The following PPARA variants were observed in gnomAD, a reference collection of about 807,000 sequenced individuals.
PPARA encodes the protein peroxisome proliferator activated receptor alpha.
PPARA carries 22 observed loss-of-function variants against 42.2 expected under a neutral mutation model. The observed-to-expected ratio is 0.52, with a 90% CI of 0.37 to 0.74. The LOEUF (loss-of-function observed/expected upper bound fraction) is 0.74. Ranked by LOEUF, PPARA falls within the 30% of genes least tolerant of loss-of-function variation. The pLI, the probability that PPARA is intolerant of heterozygous loss-of-function variation, is 0.00. For missense variants in PPARA, 465 were observed against 608.2 expected (o/e 0.76, Z 2.48); for synonymous variants, 242 against 239.3 (o/e 1.01, Z -0.10).
In PPARA at chr22:46,224,854, C is replaced by T. The variant is rs137987744; in HGVS notation, c.711+4840C>T. 3.5e-3 allele frequency among the ~76,000 whole-genome samples: 532 copies of T among 152,196 alleles called. 1 individual carries two copies. The highest frequency in any genetic ancestry group is 0.01 in the Middle Eastern group (3 of 294). On this transcript the variant is annotated intron_variant, in intron 7 of 8. Transcript: ENST00000407236. The surrounding 1 kb of genome is among the most constrained non-coding windows in gnomAD (Gnocchi z 5.7). The stretch of plus-strand genomic sequence containing the variant: ...AAGCAGCCCTCTGGTTTGCTATAAG[C>T]GGGGGACTGAATTTCTCTTTGCAGT...
rs1403716773 is a variant in PPARA, at chr22:46,150,997, C to T, written c.-210+345C>T. ...CTGCGCGGAGGTCGGGTCTGGGGACCGCAGCGACTCTGGGTCTTCGGGTTG... is the reference window on the plus strand; with the variant it reads ...CTGCGCGGAGGTCGGGTCTGGGGACTGCAGCGACTCTGGGTCTTCGGGTTG... On this transcript the variant is annotated intron_variant, in intron 1 of 8. Coordinates refer to ENST00000407236, the MANE Select transcript of PPARA (RefSeq NM_005036.6). This position sits in a 1 kb window ranked among gnomAD's most constrained non-coding sequence, Gnocchi z 7.5. 2.6e-5 allele frequency: 4 copies of T among 152,190 alleles called. No homozygotes were observed. Among genetic ancestry groups the T allele is most frequent in the Non-Finnish European group, 5.9e-5 (4 of 68,074 alleles). 9.4% of individuals were successfully genotyped at this position (152,190 alleles called of 1,614,324 possible).
At chr22:46,198,203 A>C (rs905288312) in intron 3 of PPARA, 139 bp from the exon 4 acceptor site, 1 of 230,972 alleles carries the variant, frequency 4.3e-6, no homozygotes, top group African/African-American at 2.6e-5. Context: ...GTGCCCCTGC[A>C]CTCCAGCCTG....
In PPARA at chr22:46,233,829, T is replaced by C. The variant is rs1390258698; in HGVS notation, c.1160-1304T>C. Among the ~76,000 whole-genome samples the C allele has an allele frequency of 2.7e-5, 4 of 145,770 alleles. No homozygotes were observed. In the Middle Eastern group the frequency reaches 0.014, roughly 506 times the overall value. ...TTCTATTTTTCAAAAGATTCCTCCT[T>C]TTTTTTTTTTTTGAGACAGAGTCTC... On this transcript the variant is annotated intron_variant, in intron 8 of 8. Transcript: ENST00000407236. The surrounding 1 kb of genome is among the most constrained non-coding windows in gnomAD (Gnocchi z 7.3).
In PPARA at chr22:46,232,130, G is replaced by A. The variant is rs751185249; in HGVS notation, c.1050G>A (p.Pro350=). The part of the protein sequence containing the change: ...TREFLKSLRK[P]FCDIMEPKFD... ...AATTCCTAAAAAGCCTAAGGAAACCGTTCTGTGATATCATGGAACCCAAGT... is the reference window on the plus strand; with the variant it reads ...AATTCCTAAAAAGCCTAAGGAAACCATTCTGTGATATCATGGAACCCAAGT... The change falls in exon 8 of 9, where the codon CCG becomes CCA. Residue 350 remains proline (P), a synonymous_variant. Transcript: ENST00000407236. The surrounding 1 kb of genome is among the most constrained non-coding windows in gnomAD (Gnocchi z 5.3). 3.7e-5 allele frequency: 59 copies of A among 1,614,102 alleles called. 1 individual carries two copies. The highest frequency in any genetic ancestry group is 3.3e-4 in the Middle Eastern group (2 of 6,084).
intron 4 of PPARA, among the ~76,000 whole-genome samples, chr22:46,206,988 C>T (rs190704819): frequency 1.6e-4 from 25 of 152,068 alleles, no homozygotes; most frequent in East Asian, 7.8e-4. Flanking sequence ...TTTGGGAGGC[C>T]GAGGCGGGTG....
chr22:46,239,147 C>A lies in PPARA; in HGVS notation c.*3767C>A, dbSNP rs949164215. 1.4e-4 allele frequency: 22 copies of A among 152,236 alleles called. No individual in the cohort carries two copies. Among genetic ancestry groups the A allele is most frequent in the African/African-American group, 5.1e-4 (21 of 41,520 alleles). The allele number at this position is 152,236 out of a possible 1,614,324, so 9.4% of individuals were successfully genotyped here. On this transcript the variant is annotated 3_prime_UTR_variant, in exon 9 of 9. Coordinates refer to ENST00000407236, the MANE Select transcript of PPARA (RefSeq NM_005036.6). ...TTTTGTTTCGCATTTAGAGAGCAGA[C>A]AAGGCACCCTTCTGCTGCGCTGATA...
chr22:46,205,519 C>CATATATATATATATATATATAT (rs552533545), intron 4 of PPARA, among the ~76,000 whole-genome samples: 3 of 34,432 alleles, frequency 8.7e-5, no homozygotes, highest in Non-Finnish European at 1.5e-4. Flanking sequence ...CATGCCCAGC[C>CATATATATATATATATATATAT]ATATATATAT....
At chr22:46,198,027 C>G (rs1478932147) in intron 3 of PPARA, among the ~76,000 whole-genome samples, 3 of 150,690 alleles carry the variant, frequency 2.0e-5, no homozygotes, top group African/African-American at 7.3e-5. Flanking sequence ...CTCAGGAGAT[C>G]GAGACCACCC....
chr22:46,162,355 C>T lies in PPARA; in HGVS notation c.-127+10385C>T, dbSNP rs188021960. 1.3e-4 allele frequency among the ~76,000 whole-genome samples: 20 copies of T among 152,292 alleles called. No individual in the cohort carries two copies. Among genetic ancestry groups the T allele is most frequent in the Admixed American group, 1.2e-3 (18 of 15,300 alleles). On this transcript the variant is annotated intron_variant, in intron 2 of 8. Transcript: ENST00000407236. This position sits in a 1 kb window ranked among gnomAD's most constrained non-coding sequence, Gnocchi z 6.0. ...CTGACATTCCAGGGACTGACCGACA[C>T]GCTGTCTACACAAACCCCTTCTGGT... is the stretch of plus-strand genomic sequence containing the variant.
At chr22:46,210,879 G>C (rs572755528) in intron 4 of PPARA, among the ~76,000 whole-genome samples, 1 of 152,190 alleles carries the variant, frequency 6.6e-6, no homozygotes, top group Non-Finnish European at 1.5e-5. Context: ...TTCAGGTCCT[G>C]TTTCTCAGCT....
chr22:46,235,285 A>G lies in PPARA; in HGVS notation c.1312A>G (p.Thr438Ala). The change falls in exon 9 of 9, where the codon ACG becomes GCG. Residue 438 changes from threonine to alanine, a missense_variant. Coordinates refer to ENST00000407236, the MANE Select transcript of PPARA (RefSeq NM_005036.6). The surrounding 1 kb of genome is among the most constrained non-coding windows in gnomAD (Gnocchi z 7.0). ...AATGGCAGACCTCCGGCAGCTGGTG[A>G]CGGAGCATGCGCAGCTGGTGCAGAT... ...QKMADLRQLV[T>A]EHAQLVQIIK... 1 of 1,614,050 alleles carries G rather than the reference A, an allele frequency of 6.2e-7. No homozygotes were observed. Among genetic ancestry groups the G allele is most frequent in the Non-Finnish European group, 8.5e-7 (1 of 1,180,020 alleles).
At chr22:46,153,049 G>A (rs1924684218) in intron 2 of PPARA, among the ~76,000 whole-genome samples, 1 of 152,076 alleles carries the variant, frequency 6.6e-6, no homozygotes. Context: ...TTGTGCCACT[G>A]CACTGCAGCC....
chr22:46,185,911 A>T (rs1398919195), intron 3 of PPARA, among the ~76,000 whole-genome samples: 2 of 63,050 alleles, frequency 3.2e-5, no homozygotes, highest in African/African-American at 1.5e-4. Flanking sequence ...AAAAAAAAAA[A>T]AAAAAATATA....
At chr22:46,214,750 T>C (rs892058901) in intron 4 of PPARA, among the ~76,000 whole-genome samples, 3 of 145,258 alleles carry the variant, frequency 2.1e-5, no homozygotes, top group Non-Finnish European at 4.5e-5. Flanking sequence ...GGATGGGAGA[T>C]GTGCAGGTCC....
chr22:46,210,241 A>G lies in PPARA; in HGVS notation c.209-4932A>G, dbSNP rs1933790501. ...GGAGAATTGCTTGAACCCGGGAGGC[A>G]GAGGTTGTGGTGAGCCGAGATCACA... On this transcript the variant is annotated intron_variant, in intron 4 of 8. Transcript: ENST00000407236. Among the ~76,000 whole-genome samples, 5 of 144,812 alleles carry G rather than the reference A, an allele frequency of 3.5e-5. No individual in the cohort carries two copies. The South Asian group carries it at 9.7e-4, about 28-fold the overall frequency.
chr22:46,178,556 G>A (rs1284179387), intron 3 of PPARA, among the ~76,000 whole-genome samples: 2 of 152,146 alleles, frequency 1.3e-5, no homozygotes, highest in African/African-American at 4.8e-5. Context: ...GGAGACCATG[G>A]TGTATAGATT....
At position 46,180,250 on chromosome 22, in the gene PPARA, G is replaced by A. The variant is rs569587653; in HGVS notation, c.-43+3414G>A. 2.6e-3 allele frequency among the ~76,000 whole-genome samples: 397 copies of A among 150,660 alleles called. No individual in the cohort carries two copies. Among genetic ancestry groups the A allele is most frequent in the African/African-American group, 8.8e-3 (361 of 41,088 alleles). Reference sequence around the variant, plus strand: ...CTCCCAGGCTGGAGTACAGTGGCGCGATCTCAGCTCACTGCAACCTCTGCC... The same window carrying A: ...CTCCCAGGCTGGAGTACAGTGGCGCAATCTCAGCTCACTGCAACCTCTGCC... On this transcript the variant is annotated intron_variant, in intron 3 of 8. Coordinates refer to ENST00000407236, the MANE Select transcript of PPARA (RefSeq NM_005036.6). This position sits in a 1 kb window ranked among gnomAD's most constrained non-coding sequence, Gnocchi z 4.2.
At chr22:46,214,658 A>ACGGGTCCGGAGACGCG (rs111407274) in intron 4 of PPARA, among the ~76,000 whole-genome samples, 6 of 124,786 alleles carry the variant, frequency 4.8e-5, no homozygotes, top group African/African-American at 9.3e-5. Context: ...CCGGGGATCC[A>ACGGGTCCGGAGACGCG]CGGGTCCGGA....
At chr22:46,159,405 A>G (rs1925812273) in intron 2 of PPARA, among the ~76,000 whole-genome samples, 2 of 152,024 alleles carry the variant, frequency 1.3e-5, no homozygotes, top group African/African-American at 2.4e-5. Flanking sequence ...GAGTTGTACG[A>G]TTGTCGTTTT....
Sources: allele counts gnomAD v4.1 joint callset (sites outside exome capture counted in the v4.1 genomes callset), GRCh38; gene constraint gnomAD v4.1.1; non-coding constraint Gnocchi (gnomAD v3.1); transcripts MANE v1.5; gene names NCBI Gene and HGNC (gene_info 2026-07-23, HGNC 2026-07-21).